The following GAPVD1 variants were observed in gnomAD, a reference collection of about 807,000 sequenced individuals.
The protein encoded by GAPVD1 is GTPase activating protein and VPS9 domains 1, also known as GTPase-activating protein and VPS9 domain-containing protein 1.
GAPVD1 carries 35 observed loss-of-function variants against 155.5 expected under a neutral mutation model. The ratio of observed to expected loss-of-function variants is 0.23; its 90% CI spans 0.17 to 0.30. The LOEUF (loss-of-function observed/expected upper bound fraction) is 0.30, where lower values mean the gene tolerates loss of function less well. GAPVD1 is among the 10% of genes least tolerant of loss of function. The probability of loss-of-function intolerance (pLI) is 1.00; values close to 1 mark genes in which losing one functional copy is unlikely to be tolerated. For synonymous variants in GAPVD1, 636 were observed against 619.7 expected (o/e 1.03, Z -0.39); for missense variants, 1,429 against 1,775.7 (o/e 0.80, Z 3.51).
At chr9:125,342,049 C>T (rs921943513) in intron 18 of GAPVD1, 170 bp from the exon 19 acceptor site, 2 of 542,240 alleles carry the variant, frequency 3.7e-6, no homozygotes, top group African/African-American at 1.9e-5. Flanking sequence ...TCTGAAAGTT[C>T]CTTTAAAAAC....
At chr9:125,326,066 A>G (rs1187744628) in intron 11 of GAPVD1, among the ~76,000 whole-genome samples, 2 of 152,234 alleles carry the variant, frequency 1.3e-5, no homozygotes, top group African/African-American at 4.8e-5. Flanking sequence ...ATTTGGTACG[A>G]TCCGAAGCTT....
At position 125,367,124 on chromosome 9, in the gene GAPVD1, A is replaced by T. The variant is rs559959119; in HGVS notation, c.*4378A>T. 18 of 152,304 alleles carry T rather than the reference A, an allele frequency of 1.2e-4. No homozygotes were observed. The highest frequency in any genetic ancestry group is 4.1e-4 in the African/African-American group (17 of 41,576). 9.4% of individuals were successfully genotyped at this position (152,304 alleles called of 1,614,324 possible). On this transcript the variant is annotated 3_prime_UTR_variant, in exon 28 of 28. Transcript: ENST00000297933. Reference sequence around the variant, plus strand: ...GCACAATCTTGTATATGTACAGGAAACCCCTCCTGTCTCCTAATGTGATTA... The same window carrying T: ...GCACAATCTTGTATATGTACAGGAATCCCCTCCTGTCTCCTAATGTGATTA...
intron 23 of GAPVD1, among the ~76,000 whole-genome samples, chr9:125,351,764 G>T (rs1390751991): frequency 6.6e-6 from 1 of 151,544 alleles, no homozygotes; most frequent in East Asian, 1.9e-4. Context: ...CCCCGAGATG[G>T]AATTTCGCTC....
chr9:125,301,985 C>G lies in GAPVD1; in HGVS notation c.188C>G (p.Ala63Gly). ...INLDRLIITS[A>G]EASPAECCQH... ...GCTCTTTTTTTTTTTTTTTTTAGTG[C>G]TGAAGCTTCCCCTGCTGAATGTTGC... Residue 63 changes from alanine to glycine, a missense_variant and splice_region_variant, in exon 5 of 28, where the codon GCT becomes GGT. This residue lies in a region of GAPVD1 where 628 missense variants were observed against 733.4 expected (regional missense o/e 0.86). Transcript: ENST00000297933. 4.2e-6 allele frequency: 6 copies of G among 1,433,284 alleles called. No individual in the cohort carries two copies. The highest frequency in any genetic ancestry group is 3.0e-5 in the South Asian group (2 of 66,580). The allele number at this position is 1,433,284 out of a possible 1,614,324, so 88.8% of individuals were successfully genotyped here. A position where few individuals can be genotyped will look rare whatever the true frequency, so the allele number is the denominator to read the frequency against.
rs1850804447 is a variant in GAPVD1 at position 125,360,847 on chromosome 9, A to T, written c.4242+122A>T. On this transcript the variant is annotated intron_variant, in intron 27 of 27. Coordinates refer to ENST00000297933, the MANE Select transcript of GAPVD1 (RefSeq NM_001282680.3). Reference sequence around the variant, plus strand: ...AGTCACAAGCTCTGGGTTACTCAGAAAGAAAGTGCCTAATGTCAAGATTTG... The same window carrying T: ...AGTCACAAGCTCTGGGTTACTCAGATAGAAAGTGCCTAATGTCAAGATTTG... 14 of 702,830 alleles carry T rather than the reference A, an allele frequency of 2.0e-5. 1 individual carries two copies. In the South Asian group the frequency reaches 2.1e-4, roughly 11 times the overall value. The allele number at this position is 702,830 out of a possible 1,614,324, so 43.5% of individuals were successfully genotyped here.
chr9:125,317,526 G>A (rs1233450431), intron 9 of GAPVD1, among the ~76,000 whole-genome samples: 1 of 151,390 alleles, frequency 6.6e-6, no homozygotes, highest in Non-Finnish European at 1.5e-5. Context: ...TCGGGAGGCT[G>A]AGGTAGGAGA....
At chr9:125,274,456 C>T (rs1835430008) in intron 2 of GAPVD1, among the ~76,000 whole-genome samples, 1 of 149,360 alleles carries the variant, frequency 6.7e-6, no homozygotes, top group Non-Finnish European at 1.5e-5. Context: ...ATAATAAGCG[C>T]TTTGTACTTT....
chr9:125,277,856 CAG>C (rs1198643700), intron 2 of GAPVD1, among the ~76,000 whole-genome samples: 2 of 151,834 alleles, frequency 1.3e-5, no homozygotes, highest in African/African-American at 4.8e-5. Flanking sequence ...TTTATAGAAA[CAG>C]AGTCTCACTA....
At chr9:125,291,108 G>C (rs1588684045) in intron 2 of GAPVD1, among the ~76,000 whole-genome samples, 1 of 152,198 alleles carries the variant, frequency 6.6e-6, no homozygotes, top group African/African-American at 2.4e-5. Context: ...GCAACATAGG[G>C]AGACCTCATC....
At chr9:125,334,348 A>C (rs1384567530) in intron 15 of GAPVD1, among the ~76,000 whole-genome samples, 1 of 152,060 alleles carries the variant, frequency 6.6e-6, no homozygotes, top group East Asian at 1.9e-4. Flanking sequence ...TCACATCTCA[A>C]CCCTTGAGTA....
chr9:125,343,776 T>C (rs908814306), intron 19 of GAPVD1, among the ~76,000 whole-genome samples: 1 of 152,234 alleles, frequency 6.6e-6, no homozygotes. Flanking sequence ...TGGGAAGAGC[T>C]GGAAAGACAT....
rs138431314 is a variant in GAPVD1, at chr9:125,283,882, T to C, written c.-149-11576T>C. Among the ~76,000 whole-genome samples the C allele has an allele frequency of 4.8e-3, 736 of 152,128 alleles. 18 individuals are homozygous for C. In the East Asian group the frequency reaches 0.079, roughly 16 times the overall value. On this transcript the variant is annotated intron_variant, in intron 2 of 27. Transcript: ENST00000297933. ...GTATTTTCCTTGAAACTTTTTTTTT[T>C]CTTTTTTTGATATGGAGTCTCGCTC...
At chr9:125,327,991 T>A (rs1845445231) in intron 12 of GAPVD1, among the ~76,000 whole-genome samples, 1 of 152,134 alleles carries the variant, frequency 6.6e-6, no homozygotes, top group East Asian at 1.9e-4. Flanking sequence ...TTCTAATTAT[T>A]TTATGATATA....
chr9:125,322,897 C>T (rs776622473), intron 10 of GAPVD1, among the ~76,000 whole-genome samples: 6 of 151,672 alleles, frequency 4.0e-5, no homozygotes, highest in Non-Finnish European at 8.8e-5. Flanking sequence ...TACTAAAATA[C>T]AACAAATTAG....
At chr9:125,271,778 T>C (rs1481149423) in intron 2 of GAPVD1, among the ~76,000 whole-genome samples, 2 of 152,162 alleles carry the variant, frequency 1.3e-5, no homozygotes, top group Admixed American at 6.6e-5. Flanking sequence ...CTTGAACTCC[T>C]GACCTCAAGT....
intron 2 of GAPVD1, among the ~76,000 whole-genome samples, chr9:125,270,223 G>T (rs1292015357): frequency 1.3e-5 from 2 of 151,848 alleles, no homozygotes; most frequent in Non-Finnish European, 1.5e-5. Flanking sequence ...GAGGTCAGGA[G>T]TTTGAGTCCA....
intron 2 of GAPVD1, among the ~76,000 whole-genome samples, chr9:125,273,266 G>A (rs1429156179): frequency 1.3e-5 from 2 of 152,102 alleles, no homozygotes; most frequent in Admixed American, 1.3e-4. Flanking sequence ...TGCTTCCTCT[G>A]GGAAATAATG....
At position 125,359,482 on chromosome 9, in the gene GAPVD1, A is replaced by G; in HGVS notation, c.4034A>G (p.Gln1345Arg). ...KVVTANHRAL[Q>R]IPEVYLREAP... ...GTGACTGCAAATCACAGAGCTCTTC[A>G]GATACCAGAGGTAATACAGGTTTAT... Residue 1345 changes from glutamine (Q) to arginine (R), a missense_variant, in exon 26 of 28, where the codon CAG becomes CGG. Physicochemically the swap from Gln to Arg is conservative, Grantham distance 43 (BLOSUM62 1). This residue lies in a region of GAPVD1 where 102 missense variants were observed against 196.5 expected (regional missense o/e 0.52). Coordinates refer to ENST00000297933, the MANE Select transcript of GAPVD1 (RefSeq NM_001282680.3). 6.5e-7 allele frequency: 1 copy of G among 1,528,730 alleles called. No homozygotes were observed. The highest frequency in any genetic ancestry group is 2.2e-5 in the East Asian group (1 of 44,474). 94.7% of individuals were successfully genotyped at this position (1,528,730 alleles called of 1,614,324 possible). A position where few individuals can be genotyped will look rare whatever the true frequency, so the allele number is the denominator to read the frequency against.
chr9:125,349,849 GA>G (rs572661795), intron 21 of GAPVD1, among the ~76,000 whole-genome samples: 347 of 138,924 alleles, frequency 2.5e-3, no homozygotes, highest in Middle Eastern at 3.6e-3. Context: ...AAAGAAAAAG[GA>G]AAAAAAAAAA....
Sources: allele counts gnomAD v4.1 joint callset (sites outside exome capture counted in the v4.1 genomes callset), GRCh38; gene constraint gnomAD v4.1.1; regional missense constraint gnomAD v4.1.1; transcripts MANE v1.5; gene names NCBI Gene and HGNC (gene_info 2026-07-23, HGNC 2026-07-21).